The following CYB561 variants were observed in gnomAD, a reference collection of about 807,000 sequenced individuals.
CYB561 encodes transmembrane ascorbate-dependent reductase CYB561.
CYB561 carries 11 observed loss-of-function variants against 25.3 expected under a neutral mutation model. The observed-to-expected ratio is 0.44, with a 90% CI of 0.27 to 0.72. CYB561 has a LOEUF of 0.72. CYB561 is among the 30% of genes least tolerant of loss of function. CYB561 has a pLI of 0.18. For synonymous variants in CYB561, 165 were observed against 158.8 expected (o/e 1.04, Z -0.29); for missense variants, 295 against 334.9 (o/e 0.88, Z 0.93).
chr17:63,437,470 G>A lies in CYB561; in HGVS notation c.78C>T (p.Thr26=). Residue 26 remains threonine, a synonymous_variant, in exon 2 of 6, where the codon ACC becomes ACT. Coordinates refer to ENST00000360793, the MANE Select transcript of CYB561 (RefSeq NM_001915.4). ...YVAFSQLLGL[T]LVAMTGAWLG... is the part of the protein sequence containing the mutation. Reference sequence around the variant, plus strand: ...GCCACGCGCCGGTCATGGCCACCAAGGTCAGGCCCAGCAGCTGGGAGAAGG... The same window carrying A: ...GCCACGCGCCGGTCATGGCCACCAAAGTCAGGCCCAGCAGCTGGGAGAAGG... The A allele has an allele frequency of 1.2e-6, 2 of 1,613,912 alleles. No homozygotes were observed. Among genetic ancestry groups the A allele is most frequent in the South Asian group, 1.1e-5 (1 of 91,076 alleles).
Position 63,435,752 on chromosome 17 carries a change from T to C in CYB561, c.341A>G (p.Tyr114Cys). ...GCTGTGTAGGCTGTACAGGTCAGCGTAGCCCTTCTTCCTGTGGTAGTCGAA... is the reference window on the plus strand; with the variant it reads ...GCTGTGTAGGCTGTACAGGTCAGCGCAGCCCTTCTTCCTGTGGTAGTCGAA... ...AVFDYHRKKGYADLYSLHSWC... is the reference protein window; with the variant it reads ...AVFDYHRKKGCADLYSLHSWC... Residue 114 changes from tyrosine to cysteine, a missense_variant, in exon 4 of 6, where the codon TAC (tyrosine) becomes TGC (cysteine). Coordinates refer to ENST00000360793, the MANE Select transcript of CYB561 (RefSeq NM_001915.4). The C allele has an allele frequency of 6.2e-7, 1 of 1,614,244 alleles. No homozygotes were observed. Among genetic ancestry groups the C allele is most frequent in the Non-Finnish European group, 8.5e-7 (1 of 1,180,038 alleles).
chr17:63,434,653 C>T, intron 5 of CYB561, 59 bp from the exon 6 acceptor site: 1 of 1,457,874 alleles, frequency 6.9e-7, no homozygotes, highest in Non-Finnish European at 9.3e-7. Flanking sequence ...GCCAAATGCC[C>T]TTTGTATCCT....
Position 63,434,588 on chromosome 17 carries a change from C to T in CYB561, c.570G>A (p.Lys190=). ...CACCCTCGGGCTCAAATGCGCTATA[C>T]TTGCCCCTGCAGGGGTGAGAGGAAG... The part of the protein sequence containing the change: ...KEALLFNLGG[K]YSAFEPEGVL... Residue 190 remains lysine (K), a synonymous_variant, in exon 6 of 6, where the codon AAG becomes AAA. Coordinates refer to ENST00000360793, the MANE Select transcript of CYB561 (RefSeq NM_001915.4). 11 of 1,608,990 alleles carry T rather than the reference C, an allele frequency of 6.8e-6. No individual in the cohort carries two copies. Among genetic ancestry groups the T allele is most frequent in the Non-Finnish European group, 9.3e-6 (11 of 1,179,472 alleles).
At chr17:63,437,260 G>A in intron 2 of CYB561, 86 bp downstream of exon 2, 1 of 1,025,586 alleles carries the variant, frequency 9.8e-7, no homozygotes, top group African/African-American at 1.6e-5. Context: ...AACCAGAAGA[G>A]ACCGCAGGGG....
At chr17:63,437,587 A>G in intron 1 of CYB561, 27 bp from the exon 2 acceptor site, 1 of 1,569,824 alleles carries the variant, frequency 6.4e-7, no homozygotes, top group Non-Finnish European at 8.6e-7. Flanking sequence ...AGCTCAGAGG[A>G]GCAGCGCACA....
intron 1 of CYB561, among the ~76,000 whole-genome samples, chr17:63,442,615 T>A (rs2049385640): frequency 6.6e-6 from 1 of 152,118 alleles, no homozygotes; most frequent in African/African-American, 2.4e-5. Flanking sequence ...TCCACTGCCC[T>A]GCAGACCAGA....
At chr17:63,437,811 G>C in intron 1 of CYB561, 1 of 429,784 alleles carries the variant, frequency 2.3e-6, no homozygotes, top group South Asian at 2.2e-5. Flanking sequence ...GCCCCCTCCA[G>C]ATGCGCACAG....
chr17:63,444,565 A>G (rs781411016), intron 1 of CYB561, among the ~76,000 whole-genome samples: 1 of 152,188 alleles, frequency 6.6e-6, no homozygotes, highest in Non-Finnish European at 1.5e-5. Context: ...TTGGGGCCAC[A>G]GAGAGCCAGA....
intron 1 of CYB561, chr17:63,437,970 G>GGCC: frequency 1.6e-6 from 1 of 643,048 alleles, no homozygotes; most frequent in Non-Finnish European, 2.5e-6. Flanking sequence ...TCCCACGGCG[G>GGCC]CCCCGCCACC....
intron 1 of CYB561, among the ~76,000 whole-genome samples, chr17:63,443,606 T>A (rs2049396871): frequency 6.6e-6 from 1 of 152,210 alleles, no homozygotes. Context: ...ATGTTGCAAT[T>A]TTTTAAAACT....
intron 5 of CYB561, 83 bp downstream of exon 5, chr17:63,435,003 G>A: frequency 7.0e-7 from 1 of 1,436,762 alleles, no homozygotes; most frequent in Non-Finnish European, 9.4e-7. Context: ...GGCTCAGGAA[G>A]CCACAGCTGG....
intron 1 of CYB561, among the ~76,000 whole-genome samples, chr17:63,442,213 C>G (rs1310483063): frequency 2.9e-4 from 44 of 152,188 alleles, no homozygotes; most frequent in Admixed American, 2.9e-3. Context: ...AGGAGATAAG[C>G]GGAAGATCCC....
chr17:63,433,364 G>C lies in CYB561; in HGVS notation c.*1038C>G, dbSNP rs889094180. 5 of 398,664 alleles carry C rather than the reference G, an allele frequency of 1.3e-5. No homozygotes were observed. Among genetic ancestry groups the C allele is most frequent in the Non-Finnish European group, 2.2e-5 (5 of 226,142 alleles). The allele number at this position is 398,664 out of a possible 1,614,324, so 24.7% of individuals were successfully genotyped here. ...ACACTCTTTATGGGGCTGGAGTGAT[G>C]TGCAGACACCACGGGGGATGACTGT... On this transcript the variant is annotated 3_prime_UTR_variant, in exon 6 of 6. Transcript: ENST00000360793.
Position 63,435,147 on chromosome 17 carries a change from A to G in CYB561, c.502T>C (p.Phe168Leu), listed in dbSNP as rs1344057345. 4 of 1,614,228 alleles carry G rather than the reference A, an allele frequency of 2.5e-6. No homozygotes were observed. Among genetic ancestry groups the G allele is most frequent in the Non-Finnish European group, 3.4e-6 (4 of 1,180,044 alleles). Residue 168 changes from phenylalanine to leucine, a missense_variant, in exon 5 of 6, where the codon TTC becomes CTC. Phe to Leu is a conservative substitution (Grantham distance 22, BLOSUM62 0). Transcript: ENST00000360793. ...AGGGCGGTGCCCACGGAAAGGAGGA[A>G]GATGGTAGCACCAAAGAAGATGTGC... The part of the protein sequence containing the change: ...PQHIFFGATI[F>L]LLSVGTALLG...
At position 63,433,513 on chromosome 17, in the gene CYB561, G is replaced by A; in HGVS notation, c.*889C>T. The A allele has an allele frequency of 2.5e-6, 1 of 397,682 alleles. No homozygotes were observed. The highest frequency in any genetic ancestry group is 4.4e-6 in the Non-Finnish European group (1 of 225,640). 24.6% of individuals were successfully genotyped at this position (397,682 alleles called of 1,614,324 possible). A position where few individuals can be genotyped will look rare whatever the true frequency, so the allele number is the denominator to read the frequency against. On this transcript the variant is annotated 3_prime_UTR_variant, in exon 6 of 6. Transcript: ENST00000360793. Reference sequence around the variant, plus strand: ...GGGGCTCTAGCCACAGCCAGCAGCAGCGGTTTTTCATTTAAAAAATTATAA... The same window carrying A: ...GGGGCTCTAGCCACAGCCAGCAGCAACGGTTTTTCATTTAAAAAATTATAA...
rs771828515 is a variant in CYB561 at position 63,435,721 on chromosome 17, G to A, written c.372C>T (p.Cys124=). 6.7e-5 allele frequency: 108 copies of A among 1,614,092 alleles called. 1 individual carries two copies. The highest frequency in any genetic ancestry group is 1.6e-4 in the Middle Eastern group (1 of 6,084). ...YADLYSLHSW[C]GILVFVLYFV... is the part of the protein sequence containing the mutation. ...AGTACAGGACAAAGACAAGGATCCC[G>A]CACCAGCTGTGTAGGCTGTACAGGT... is the stretch of plus-strand genomic sequence containing the variant. Residue 124 remains cysteine, a synonymous_variant, in exon 4 of 6, where the codon TGC becomes TGT. Transcript: ENST00000360793.
rs566743756 is a variant in CYB561 at position 63,436,360 on chromosome 17, C to T, written c.203-208G>A. On this transcript the variant is annotated intron_variant, in intron 2 of 5. Transcript: ENST00000360793. This position sits in a 1 kb window ranked among gnomAD's most constrained non-coding sequence, Gnocchi z 4.8. ...CTCTGAGGGCACCTAGGGCTGTGTG[C>T]ACCTTAACACCCCTCCCCCACCCTC... Among the ~76,000 whole-genome samples the T allele has an allele frequency of 4.6e-5, 7 of 152,186 alleles. No homozygotes were observed. The highest frequency in any genetic ancestry group is 2.1e-4 in the South Asian group (1 of 4,826).
At chr17:63,437,778 A>T (rs2049325775) in intron 1 of CYB561, 10 of 334,858 alleles carry the variant, frequency 3.0e-5, no homozygotes, top group South Asian at 1.6e-4. Context: ...GATGCGCGCA[A>T]CACCCCCCCC....
rs538484661 is a variant in CYB561 at position 63,436,396 on chromosome 17, C to A, written c.203-244G>T. The A allele has an allele frequency of 4.1e-6, 2 of 483,742 alleles. No individual in the cohort carries two copies. The highest frequency in any genetic ancestry group is 3.8e-5 in the East Asian group (1 of 26,362). The allele number at this position is 483,742 out of a possible 1,614,324, so 30.0% of individuals were successfully genotyped here. A position where few individuals can be genotyped will look rare whatever the true frequency, so the allele number is the denominator to read the frequency against. Reference sequence around the variant, plus strand: ...CCCTCCCCCACCCTCCAACCTCCCCCAGCTGTGCACAAAGAGGGCAGGGCC... The same window carrying A: ...CCCTCCCCCACCCTCCAACCTCCCCAAGCTGTGCACAAAGAGGGCAGGGCC... On this transcript the variant is annotated intron_variant, in intron 2 of 5. Coordinates refer to ENST00000360793, the MANE Select transcript of CYB561 (RefSeq NM_001915.4). The surrounding 1 kb of genome is among the most constrained non-coding windows in gnomAD (Gnocchi z 4.8).
Sources: allele counts gnomAD v4.1 joint callset (sites outside exome capture counted in the v4.1 genomes callset), GRCh38; gene constraint gnomAD v4.1.1; non-coding constraint Gnocchi (gnomAD v3.1); transcripts MANE v1.5; gene names NCBI Gene and HGNC (gene_info 2026-07-23, HGNC 2026-07-21).